Variants in TAPT1 observed in about 807,000 individuals in gnomAD.
The protein encoded by TAPT1 is transmembrane anterior posterior transformation 1, also known as transmembrane anterior posterior transformation protein 1 homolog.
A neutral mutation model predicts 65.6 loss-of-function variants in TAPT1; 28 were observed. That is an observed-to-expected ratio of 0.43 (90% CI 0.32 to 0.59). TAPT1 has a LOEUF of 0.59. Among genes scored for constraint, TAPT1 ranks in the 20% least tolerant of loss-of-function variants. The pLI, the probability that TAPT1 is intolerant of heterozygous loss-of-function variation, is 0.09. For missense variants in TAPT1, 563 were observed against 679.9 expected (o/e 0.83, Z 1.91); for synonymous variants, 278 against 245.2 (o/e 1.13, Z -1.25).
At chr4:16,193,084 T>A (rs537696604) in intron 3 of TAPT1, among the ~76,000 whole-genome samples, 1 of 152,354 alleles carries the variant, frequency 6.6e-6, no homozygotes, top group South Asian at 2.1e-4. Flanking sequence ...TTCTACAATG[T>A]GCACTGTATG....
intron 2 of TAPT1, among the ~76,000 whole-genome samples, chr4:16,206,960 C>T (rs77466090): frequency 0.042 from 6,423 of 152,232 alleles, 220 homozygotes; most frequent in African/African-American, 0.086. Context: ...GCAGAAAGAA[C>T]GTGGAAGCTG....
At chr4:16,191,188 C>T (rs1289557983) in intron 4 of TAPT1, 173 bp downstream of exon 4, 1 of 637,266 alleles carries the variant, frequency 1.6e-6, no homozygotes. Flanking sequence ...CCTAGATCTC[C>T]TAAATCAGAA....
intron 11 of TAPT1, among the ~76,000 whole-genome samples, chr4:16,173,005 G>T (rs1040480691): frequency 6.6e-6 from 1 of 151,972 alleles, no homozygotes; most frequent in African/African-American, 2.4e-5. Flanking sequence ...TGTATTTTTA[G>T]TAGAGATGGG....
At chr4:16,207,106 TG>T (rs1245447563) in intron 2 of TAPT1, among the ~76,000 whole-genome samples, 1 of 152,114 alleles carries the variant, frequency 6.6e-6, no homozygotes, top group Non-Finnish European at 1.5e-5. Flanking sequence ...CAGCAGGGGC[TG>T]GGGGACAAGG....
Position 16,215,841 on chromosome 4 carries a change from G to A in TAPT1, c.200-1943C>T, listed in dbSNP as rs1011360500. ...TCTACGCTGGCTAGAACCAGAACAAGATCTGCTCTTTCAAGGTGAGAAAAA... is the reference window on the plus strand; with the variant it reads ...TCTACGCTGGCTAGAACCAGAACAAAATCTGCTCTTTCAAGGTGAGAAAAA... On this transcript the variant is annotated intron_variant, in intron 1 of 13. Transcript: ENST00000405303. Among the ~76,000 whole-genome samples, 15 of 152,156 alleles carry A rather than the reference G, an allele frequency of 9.9e-5. 1 individual carries two copies. The highest frequency in any genetic ancestry group is 9.2e-4 in the Admixed American group (14 of 15,282).
intron 2 of TAPT1, among the ~76,000 whole-genome samples, chr4:16,207,234 A>T (rs899200936): frequency 2.6e-5 from 4 of 152,230 alleles, no homozygotes; most frequent in Non-Finnish European, 5.9e-5. Context: ...AGGATGCCCA[A>T]GAAAACACTG....
At chr4:16,221,011 G>C (rs1345499350) in intron 1 of TAPT1, among the ~76,000 whole-genome samples, 1 of 151,922 alleles carries the variant, frequency 6.6e-6, no homozygotes, top group African/African-American at 2.4e-5. Context: ...TACGATTATA[G>C]GTGTGAGCTA....
intron 12 of TAPT1, among the ~76,000 whole-genome samples, chr4:16,168,713 T>C (rs1286792576): frequency 6.6e-6 from 1 of 152,236 alleles, no homozygotes; most frequent in Non-Finnish European, 1.5e-5. Context: ...GAGTGACTTG[T>C]TTTTCTAGTT....
At chr4:16,172,481 A>C (rs1748059086) in intron 11 of TAPT1, among the ~76,000 whole-genome samples, 1 of 152,052 alleles carries the variant, frequency 6.6e-6, no homozygotes, top group African/African-American at 2.4e-5. Context: ...AGCCTTTAAC[A>C]AACAATTTTA....
At chr4:16,194,217 A>C (rs1749553031) in intron 3 of TAPT1, among the ~76,000 whole-genome samples, 1 of 152,250 alleles carries the variant, frequency 6.6e-6, no homozygotes, top group South Asian at 2.1e-4. Context: ...ATAAATTAAC[A>C]AAGAAAAGTT....
intron 1 of TAPT1, among the ~76,000 whole-genome samples, chr4:16,217,299 T>C (rs185197202): frequency 7.2e-5 from 11 of 152,234 alleles, no homozygotes; most frequent in African/African-American, 2.6e-4. Context: ...AACAAATCTT[T>C]GCTAAAACAA....
chr4:16,217,593 G>A (rs56353092), intron 1 of TAPT1, among the ~76,000 whole-genome samples: 38,240 of 152,104 alleles, frequency 0.25, 5,701 homozygotes, highest in East Asian at 0.33. Context: ...CTTTACCGCT[G>A]AATTTCTCTA....
At chr4:16,178,897 C>T (rs1376234282) in intron 8 of TAPT1, 1 of 152,176 alleles carries the variant, frequency 6.6e-6, no homozygotes, top group Non-Finnish European at 1.5e-5. Flanking sequence ...TGAAAACAAT[C>T]TTTCTGGATT....
chr4:16,225,501 T>C lies in TAPT1; in HGVS notation c.199+758A>G, dbSNP rs187574265. Among the ~76,000 whole-genome samples, 277 of 152,352 alleles carry C rather than the reference T, an allele frequency of 1.8e-3. 1 individual carries two copies. The highest frequency in any genetic ancestry group is 6.8e-3 in the Middle Eastern group (2 of 294). ...GAAGACATCCATCTCAAAACCTTTTTTCATTTAAAACTAATCTGTAACTGC... is the reference window on the plus strand; with the variant it reads ...GAAGACATCCATCTCAAAACCTTTTCTCATTTAAAACTAATCTGTAACTGC... On this transcript the variant is annotated intron_variant, in intron 1 of 13. Coordinates refer to ENST00000405303, the MANE Select transcript of TAPT1 (RefSeq NM_153365.3).
At position 16,188,264 on chromosome 4, in the gene TAPT1, T is replaced by C; in HGVS notation, c.704A>G (p.His235Arg). 3 of 1,612,862 alleles carry C rather than the reference T, an allele frequency of 1.9e-6. No individual in the cohort carries two copies. Among genetic ancestry groups the C allele is most frequent in the South Asian group, 1.1e-5 (1 of 90,918 alleles). The change falls in exon 5 of 14, where the codon CAC becomes CGC. Residue 235 changes from histidine (H) to arginine (R), a missense_variant. Transcript: ENST00000405303. ...ATEPKERKRAHIGVIPHFFMA... is the reference protein window; with the variant it reads ...ATEPKERKRARIGVIPHFFMA... ...GAAAAAGTGAGGAATCACCCCAATG[T>C]GGGCTCTTTTTCTTTCTTTAGGCTC...
At chr4:16,210,331 G>A (rs1006986255) in intron 2 of TAPT1, among the ~76,000 whole-genome samples, 1 of 152,132 alleles carries the variant, frequency 6.6e-6, no homozygotes, top group Non-Finnish European at 1.5e-5. Flanking sequence ...AGATAAAACT[G>A]GGACACAGGG....
At chr4:16,200,441 C>T (rs1749962679) in intron 3 of TAPT1, among the ~76,000 whole-genome samples, 2 of 152,148 alleles carry the variant, frequency 1.3e-5, no homozygotes. Flanking sequence ...TCCAACCTCT[C>T]AGCCTCTGGT....
chr4:16,186,303 A>C (rs1749016021), intron 7 of TAPT1, among the ~76,000 whole-genome samples: 1 of 152,212 alleles, frequency 6.6e-6, no homozygotes, highest in Non-Finnish European at 1.5e-5. Context: ...GACTATTAAG[A>C]AGCTTCTCAA....
At position 16,174,246 on chromosome 4, in the gene TAPT1, T is replaced by C. The variant is rs1748185108; in HGVS notation, c.1194A>G (p.Val398=). 1 of 1,608,176 alleles carries C rather than the reference T, an allele frequency of 6.2e-7. No homozygotes were observed. Among genetic ancestry groups the C allele is most frequent in the African/African-American group, 1.3e-5 (1 of 74,956 alleles). ...KNAYTDYSDS[V]ARRMGFIPLP... Reference sequence around the variant, plus strand: ...GAGGAATAAAGCCCATCCTCCGTGCTACAGAGTCACTGTAATCAGTGTATG... The same window carrying C: ...GAGGAATAAAGCCCATCCTCCGTGCCACAGAGTCACTGTAATCAGTGTATG... Residue 398 remains valine (V), a synonymous_variant, in exon 11 of 14, where the codon GTA becomes GTG. Transcript: ENST00000405303.
Sources: gnomAD v4.1 joint callset for allele counts (sites outside exome capture counted in the v4.1 genomes callset) on GRCh38, gnomAD v4.1.1 for gene constraint, MANE v1.5 for transcripts, NCBI Gene and HGNC (gene_info 2026-07-23, HGNC 2026-07-21) for gene names.